Variants in RABGAP1L observed in about 807,000 individuals in gnomAD.
The protein encoded by RABGAP1L is RAB GTPase activating protein 1 like.
In RABGAP1L, 63 loss-of-function variants were observed where a neutral mutation model predicts 137.7. The observed-to-expected ratio is 0.46, with a 90% CI of 0.37 to 0.56. The LOEUF (loss-of-function observed/expected upper bound fraction) is 0.56, where lower values mean the gene tolerates loss of function less well. Ranked by LOEUF, RABGAP1L falls within the 20% of genes least tolerant of loss-of-function variation. RABGAP1L has a pLI of 0.00. For synonymous variants in RABGAP1L, 431 were observed against 433.7 expected (o/e 0.99, Z 0.08); for missense variants, 1,095 against 1,244.0 (o/e 0.88, Z 1.80).
chr1:174,230,710 T>C (rs1670575238), intron 3 of RABGAP1L, among the ~76,000 whole-genome samples: 1 of 152,154 alleles, frequency 6.6e-6, no homozygotes, highest in South Asian at 2.1e-4. Context: ...AATTTACAGC[T>C]ATCTGGGAAC....
At chr1:174,242,231 A>C (rs1671887624) in intron 5 of RABGAP1L, among the ~76,000 whole-genome samples, 1 of 152,246 alleles carries the variant, frequency 6.6e-6, no homozygotes. Context: ...TGAAAATGCT[A>C]GTAAGTTTTT....
At position 174,715,377 on chromosome 1, in the gene RABGAP1L, G is replaced by A. The variant is rs192859931; in HGVS notation, c.2169+13121G>A. Among the ~76,000 whole-genome samples, 355 of 152,304 alleles carry A rather than the reference G, an allele frequency of 2.3e-3. 1 individual carries two copies. Among genetic ancestry groups the A allele is most frequent in the Non-Finnish European group, 4.2e-3 (289 of 68,012 alleles). On this transcript the variant is annotated intron_variant, in intron 17 of 25. Coordinates refer to ENST00000681986, the MANE Select transcript of RABGAP1L (RefSeq NM_001366446.1). ...TAAAAATGAGACCTTTCATTGAAGA[G>A]TAGTTATTTCCCTTTACCACCTTGT...
intron 13 of RABGAP1L, among the ~76,000 whole-genome samples, chr1:174,608,747 A>G (rs1670968927): frequency 6.6e-6 from 1 of 152,174 alleles, no homozygotes. Flanking sequence ...TGGGAACAAA[A>G]TAGTGCTTCA....
rs1672155605 is a variant in RABGAP1L, at chr1:174,992,910, A to T, written c.*2909A>T. 1 of 152,218 alleles carries T rather than the reference A, an allele frequency of 6.6e-6. No individual in the cohort carries two copies. Among genetic ancestry groups the T allele is most frequent in the African/African-American group, 2.4e-5 (1 of 41,456 alleles). 9.4% of individuals were successfully genotyped at this position (152,218 alleles called of 1,614,324 possible). A position where few individuals can be genotyped will look rare whatever the true frequency, so the allele number is the denominator to read the frequency against. On this transcript the variant is annotated 3_prime_UTR_variant, in exon 26 of 26. Transcript: ENST00000681986. ...GTTTCAAAACATTCTAGTGTTTTTCATCCTTTGCTAGGATGCACTCTGTAC... is the reference window on the plus strand; with the variant it reads ...GTTTCAAAACATTCTAGTGTTTTTCTTCCTTTGCTAGGATGCACTCTGTAC...
At chr1:174,811,413 C>T (rs1446103308) in intron 18 of RABGAP1L, among the ~76,000 whole-genome samples, 1 of 152,162 alleles carries the variant, frequency 6.6e-6, no homozygotes, top group East Asian at 1.9e-4. Context: ...ATTTTGGTTG[C>T]ATTTTCTATG....
chr1:174,965,992 C>T (rs1669587589), intron 20 of RABGAP1L, among the ~76,000 whole-genome samples: 1 of 152,194 alleles, frequency 6.6e-6, no homozygotes, highest in Non-Finnish European at 1.5e-5. Context: ...CAGCTGAACT[C>T]ACACCTCTTT....
At chr1:174,709,651 C>T (rs1680325193) in intron 17 of RABGAP1L, among the ~76,000 whole-genome samples, 2 of 152,088 alleles carry the variant, frequency 1.3e-5, no homozygotes, top group Non-Finnish European at 2.9e-5. Context: ...AAAGGACACC[C>T]ATGCAAAAAT....
intron 13 of RABGAP1L, chr1:174,545,799 A>C (rs1200529634): frequency 6.6e-6 from 1 of 152,232 alleles, no homozygotes; most frequent in Non-Finnish European, 1.5e-5. Context: ...AATTGCTTCC[A>C]AGCTTCTGTT....
intron 18 of RABGAP1L, among the ~76,000 whole-genome samples, chr1:174,771,368 T>C (rs1157328487): frequency 6.6e-6 from 1 of 152,226 alleles, no homozygotes; most frequent in Non-Finnish European, 1.5e-5. Flanking sequence ...TGTTTGTATG[T>C]CTTATATAAC....
At chr1:174,474,659 G>T (rs1347621403) in intron 13 of RABGAP1L, among the ~76,000 whole-genome samples, 1 of 152,242 alleles carries the variant, frequency 6.6e-6, no homozygotes, top group Non-Finnish European at 1.5e-5. Flanking sequence ...CTGGAGTGCA[G>T]TGGCACGATT....
intron 19 of RABGAP1L, chr1:174,874,577 C>G: frequency 1.9e-6 from 1 of 526,998 alleles, no homozygotes. Context: ...CACACCACTG[C>G]CTTTTTTTTT....
intron 13 of RABGAP1L, among the ~76,000 whole-genome samples, chr1:174,619,397 G>T (rs1488161741): frequency 6.6e-6 from 1 of 152,190 alleles, no homozygotes; most frequent in Non-Finnish European, 1.5e-5. Context: ...GAGGAAGGTT[G>T]GGTTACCCAC....
intron 1 of RABGAP1L, among the ~76,000 whole-genome samples, chr1:174,173,638 C>T (rs1665589173): frequency 6.6e-6 from 1 of 151,640 alleles, no homozygotes; most frequent in South Asian, 2.1e-4. Flanking sequence ...CAGTTGGTTT[C>T]ATTCTCTGTC....
intron 19 of RABGAP1L, among the ~76,000 whole-genome samples, chr1:174,886,517 A>C (rs1234754632): frequency 6.6e-6 from 1 of 152,242 alleles, no homozygotes; most frequent in Non-Finnish European, 1.5e-5. Flanking sequence ...CGACACAGTC[A>C]GGGCTGTAGT....
intron 1 of RABGAP1L, among the ~76,000 whole-genome samples, chr1:174,174,860 A>G (rs1006844414): frequency 1.6e-4 from 25 of 152,254 alleles, no homozygotes; most frequent in African/African-American, 5.5e-4. Flanking sequence ...GTTCTTACTC[A>G]GTCTATTGAT....
At chr1:174,626,665 C>G (rs969729717) in intron 13 of RABGAP1L, among the ~76,000 whole-genome samples, 2 of 152,124 alleles carry the variant, frequency 1.3e-5, no homozygotes, top group African/African-American at 4.8e-5. Flanking sequence ...AGACTCCCCC[C>G]ACCCCATATT....
At chr1:174,968,500 G>GTTTTTTTTTTT (rs5778822) in intron 20 of RABGAP1L, among the ~76,000 whole-genome samples, 1 of 147,094 alleles carries the variant, frequency 6.8e-6, no homozygotes. Flanking sequence ...TAGTGACTTG[G>GTTTTTTTTTTT]TTTTTTTTTT....
chr1:174,811,852 G>A lies in RABGAP1L; in HGVS notation c.2232G>A (p.Leu744=), dbSNP rs537803531. ...TGCAGACCTCAAAGGAAGACCTTCT[G>A]CAGGCTGATTTTGAAGGTGCTTTAA... ...ALLKTSKEDL[L]QADFEGALKF... is the part of the protein sequence containing the mutation. The change falls in exon 19 of 26, where the codon CTG becomes CTA. Residue 744 remains leucine (L), a synonymous_variant. Transcript: ENST00000681986. The A allele has an allele frequency of 2.6e-5, 41 of 1,598,112 alleles. 1 individual carries two copies. In the South Asian group the frequency reaches 4.7e-4, roughly 18 times the overall value.
At chr1:174,164,260 T>C (rs766528555) in intron 1 of RABGAP1L, among the ~76,000 whole-genome samples, 2 of 152,128 alleles carry the variant, frequency 1.3e-5, no homozygotes, top group Admixed American at 1.3e-4. Flanking sequence ...TCTGGTGATA[T>C]CAGTTTGTTA....
Sources: allele counts gnomAD v4.1 joint callset (sites outside exome capture counted in the v4.1 genomes callset), GRCh38; gene constraint gnomAD v4.1.1; transcripts MANE v1.5; gene names NCBI Gene and HGNC (gene_info 2026-07-23, HGNC 2026-07-21).